DAPK2: variants seen among roughly 807,000 people sequenced by gnomAD.
DAPK2 encodes death-associated protein kinase 2.
DAPK2 carries 35 observed loss-of-function variants against 44.1 expected under a neutral mutation model. The observed-to-expected ratio is 0.79, with a 90% CI of 0.61 to 1.05. The LOEUF is 1.05. Among genes scored for constraint, DAPK2 ranks in the 50% least tolerant of loss-of-function variants. DAPK2 has a pLI of 0.00. For synonymous variants in DAPK2, 174 were observed against 182.6 expected, an observed-to-expected ratio of 0.95 and a Z score of 0.38; for missense variants, 453 against 483.2, an observed-to-expected ratio of 0.94 and a Z score of 0.59.
chr15:64,036,332 T>TACAC (rs1567290236), intron 1 of DAPK2, among the ~76,000 whole-genome samples: 2 of 124,902 alleles, frequency 1.6e-5, no homozygotes, highest in African/African-American at 5.4e-5. Context: ...TATATATATA[T>TACAC]ATATACATAT....
chr15:63,951,031 A>G (rs2077572274), intron 3 of DAPK2, among the ~76,000 whole-genome samples: 1 of 152,194 alleles, frequency 6.6e-6, no homozygotes, highest in Non-Finnish European at 1.5e-5. Flanking sequence ...CATGCCTCTT[A>G]ACACTGTTTA....
At position 64,007,442 on chromosome 15, in the gene DAPK2, C is replaced by T. The variant is rs1327270133; in HGVS notation, c.93-23688G>A. Among the ~76,000 whole-genome samples, 6 of 152,052 alleles carry T rather than the reference C, an allele frequency of 3.9e-5. No homozygotes were observed. The South Asian group carries it at 8.3e-4, about 21-fold the overall frequency. On this transcript the variant is annotated intron_variant, in intron 1 of 10. Coordinates refer to ENST00000261891, the Ensembl canonical transcript of DAPK2. The stretch of plus-strand genomic sequence containing the variant: ...TGCTCACATTTCATCTTAGCTCCAG[C>T]CAGAGCTCTCCATCCTCCAAGAGCC...
At chr15:63,986,871 T>C (rs2078681709) in intron 1 of DAPK2, among the ~76,000 whole-genome samples, 1 of 152,232 alleles carries the variant, frequency 6.6e-6, no homozygotes, top group East Asian at 1.9e-4. Context: ...TTACAACAGC[T>C]TTCTGATTAT....
At chr15:63,986,969 C>G (rs2078684269) in intron 1 of DAPK2, among the ~76,000 whole-genome samples, 1 of 152,182 alleles carries the variant, frequency 6.6e-6, no homozygotes, top group African/African-American at 2.4e-5. Flanking sequence ...GTTCTCTGAT[C>G]TGATCATTTC....
intron 8 of DAPK2, 143 bp downstream of exon 9, chr15:63,924,673 C>T: frequency 1.2e-6 from 1 of 861,198 alleles, no homozygotes; most frequent in Non-Finnish European, 1.8e-6. Context: ...CCTCTGGGGC[C>T]CCTGGCTAGC....
chr15:64,008,049 G>A (rs1467483536), intron 1 of DAPK2, among the ~76,000 whole-genome samples: 1 of 152,152 alleles, frequency 6.6e-6, no homozygotes, highest in Non-Finnish European at 1.5e-5. Flanking sequence ...CTGCTAATGG[G>A]TAAGGGGGTT....
chr15:64,036,005 G>A (rs1342401392), intron 1 of DAPK2, among the ~76,000 whole-genome samples: 1 of 152,118 alleles, frequency 6.6e-6, no homozygotes, highest in Non-Finnish European at 1.5e-5. Context: ...AGGGCAAGAA[G>A]TAGAGTTAAA....
rs1367156227 is a variant in DAPK2 at position 63,966,451 on chromosome 15, G to A, written c.453+4972C>T. On this transcript the variant is annotated intron_variant, in intron 3 of 10. Coordinates refer to ENST00000261891, the Ensembl canonical transcript of DAPK2. This position sits in a 1 kb window ranked among gnomAD's most constrained non-coding sequence, Gnocchi z 5.5. ...GCCATCCCAACTGATGTCTCACTAG[G>A]TGTACCCTCCAAGTCCTCTGGCTCC... 1.3e-5 allele frequency among the ~76,000 whole-genome samples: 2 copies of A among 152,324 alleles called. No homozygotes were observed. The highest frequency in any genetic ancestry group is 3.9e-4 in the East Asian group (2 of 5,188).
intron 3 of DAPK2, among the ~76,000 whole-genome samples, chr15:63,958,095 C>A (rs2077778204): frequency 6.6e-6 from 1 of 152,184 alleles, no homozygotes; most frequent in African/African-American, 2.4e-5. Context: ...ATTTGCATTT[C>A]TCTGATGGCC....
chr15:64,029,947 C>G (rs76099809), intron 1 of DAPK2: 5 of 152,682 alleles, frequency 3.3e-5, no homozygotes, highest in Admixed American at 6.5e-5. Flanking sequence ...CCCTACCCCC[C>G]TCAGGAGGAC....
exon 7 of DAPK2, chr15:63,926,054 C>G: frequency 6.2e-7 from 1 of 1,613,580 alleles, no homozygotes; most frequent in South Asian, 1.1e-5. Context: ...CCAGTGTTTC[C>G]TGCTTCGTGT....
chr15:63,955,765 T>C (rs1168492456), intron 3 of DAPK2, among the ~76,000 whole-genome samples: 1 of 152,046 alleles, frequency 6.6e-6, no homozygotes, highest in Non-Finnish European at 1.5e-5. Flanking sequence ...ACAGGGCTTC[T>C]CCATGTTGCC....
rs908024223 is a variant in DAPK2 at position 64,020,280 on chromosome 15, C to G, written c.92+19890G>C. Among the ~76,000 whole-genome samples the G allele has an allele frequency of 6.6e-6, 1 of 152,236 alleles. No individual in the cohort carries two copies. Among genetic ancestry groups the G allele is most frequent in the African/African-American group, 2.4e-5 (1 of 41,448 alleles). On this transcript the variant is annotated intron_variant, in intron 1 of 10. Transcript: ENST00000261891. The surrounding 1 kb of genome is among the most constrained non-coding windows in gnomAD (Gnocchi z 4.5). ...CCCCTTTCTCTCCCACGCCAGCACA[C>G]TCTTATTGCACTACCTTGTTGAATG...
intron 6 of DAPK2, among the ~76,000 whole-genome samples, chr15:63,928,927 G>A (rs1222589910): frequency 6.6e-6 from 1 of 152,210 alleles, no homozygotes; most frequent in African/African-American, 2.4e-5. Flanking sequence ...GAAGGGCTGG[G>A]CACAGTGGCT....
At chr15:64,011,550 G>C (rs2079389895) in intron 1 of DAPK2, among the ~76,000 whole-genome samples, 1 of 152,184 alleles carries the variant, frequency 6.6e-6, no homozygotes, top group Non-Finnish European at 1.5e-5. Flanking sequence ...GTGTTTAGGA[G>C]AAAAACAACG....
chr15:64,043,644 G>C (rs541357475), upstream of DAPK2, among the ~76,000 whole-genome samples: 1 of 152,186 alleles, frequency 6.6e-6, no homozygotes, highest in African/African-American at 2.4e-5. Flanking sequence ...CAGCAATGTT[G>C]TTTCCTGATC....
chr15:63,941,558 G>T (rs1306893044), intron 3 of DAPK2, among the ~76,000 whole-genome samples: 1 of 152,176 alleles, frequency 6.6e-6, no homozygotes, highest in African/African-American at 2.4e-5. Flanking sequence ...GCTGCCTATG[G>T]TCTCTGTGAC....
At chr15:64,023,219 G>C (rs966789011) in intron 1 of DAPK2, among the ~76,000 whole-genome samples, 1 of 152,168 alleles carries the variant, frequency 6.6e-6, no homozygotes, top group Non-Finnish European at 1.5e-5. Flanking sequence ...GAACAGGCTC[G>C]CCCAACCCTG....
intron 3 of DAPK2, among the ~76,000 whole-genome samples, chr15:63,959,889 C>T (rs1274649941): frequency 1.3e-5 from 2 of 152,284 alleles, no homozygotes; most frequent in East Asian, 3.9e-4. Flanking sequence ...AGGGAGGATT[C>T]CCTCTTTTTC....
Sources: allele counts gnomAD v4.1 joint callset (sites outside exome capture counted in the v4.1 genomes callset), GRCh38; gene constraint gnomAD v4.1.1; non-coding constraint Gnocchi (gnomAD v3.1); transcripts MANE v1.5; gene names NCBI Gene and HGNC (gene_info 2026-07-23, HGNC 2026-07-21).